Variants in SELENOK observed in about 807,000 individuals in gnomAD.
SELENOK encodes selenoprotein K.
A neutral mutation model predicts 17.3 loss-of-function variants in SELENOK; 11 were observed. The observed-to-expected ratio is 0.63, with a 90% CI of 0.40 to 1.05. The LOEUF (loss-of-function observed/expected upper bound fraction) is 1.05, where lower values mean the gene tolerates loss of function less well. Ranked by LOEUF, SELENOK falls within the 50% of genes least tolerant of loss-of-function variation. The pLI, the probability that SELENOK is intolerant of heterozygous loss-of-function variation, is 0.00. For synonymous variants in SELENOK, 45 were observed against 35.4 expected, an observed-to-expected ratio of 1.27 and a Z score of -0.97; for missense variants, 125 against 113.9, an observed-to-expected ratio of 1.10 and a Z score of -0.44.
Position 53,888,421 on chromosome 3 carries a change from A to T in SELENOK, c.82T>A (p.Trp28Arg). The change falls in exon 2 of 5, where the codon TGG (tryptophan) becomes AGG (arginine). Residue 28 changes from tryptophan to arginine, a missense_variant. Coordinates refer to ENST00000495461, the MANE Select transcript of SELENOK (RefSeq NM_021237.5). ...AAAACCACAAACTCAGCTATTCCCC[A>T]GAAGAAATCTGTTATCAAAGATAAT... ...WRLSLITDFF[W>R]GIAEFVVLFF... is the part of the protein sequence containing the mutation. 3 of 1,612,734 alleles carry T rather than the reference A, an allele frequency of 1.9e-6. No individual in the cohort carries two copies. Among genetic ancestry groups the T allele is most frequent in the Non-Finnish European group, 2.5e-6 (3 of 1,179,454 alleles).
chr3:53,886,901 T>G lies in SELENOK; in HGVS notation c.144A>C (p.Lys48Asn). The change falls in exon 3 of 5, where the codon AAA becomes AAC. Residue 48 changes from lysine to asparagine, a missense_variant. Coordinates refer to ENST00000495461, the MANE Select transcript of SELENOK (RefSeq NM_021237.5). The stretch of plus-strand genomic sequence containing the variant: ...CAGATGAGTTTCCATAGCTTCTTCT[T>G]TTTTTCACATCTTGCTGAAGCAGAG... ...FKTLLQQDVK[K>N]RRSYGNSSDS... is the part of the protein sequence containing the mutation. 6.4e-7 allele frequency: 1 copy of G among 1,572,046 alleles called. No homozygotes were observed. Among genetic ancestry groups the G allele is most frequent in the Non-Finnish European group, 8.6e-7 (1 of 1,156,854 alleles).
chr3:53,889,421 T>C (rs1449497408), intron 1 of SELENOK, among the ~76,000 whole-genome samples: 2 of 152,252 alleles, frequency 1.3e-5, no homozygotes, highest in Non-Finnish European at 2.9e-5. Flanking sequence ...AGTTCATCCA[T>C]GTTGCAGTAT....
intron 4 of SELENOK, 114 bp from the exon 5 acceptor site, chr3:53,885,675 C>A: frequency 1.6e-6 from 2 of 1,283,602 alleles, no homozygotes; most frequent in South Asian, 2.6e-5. Flanking sequence ...GATAACAAGG[C>A]CAGTGAATTT....
In SELENOK at chr3:53,885,412, C is replaced by T; in HGVS notation, c.*146G>A. ...CCTGCAGAGGGAATTCCCAGCATGA[C>T]CTCATTCATCTGTGAGGACACAGAG... is the stretch of plus-strand genomic sequence containing the variant. On this transcript the variant is annotated 3_prime_UTR_variant, in exon 5 of 5. Coordinates refer to ENST00000495461, the MANE Select transcript of SELENOK (RefSeq NM_021237.5). 4 of 742,524 alleles carry T rather than the reference C, an allele frequency of 5.4e-6. No individual in the cohort carries two copies. The highest frequency in any genetic ancestry group is 2.6e-5 in the East Asian group (1 of 37,998). The allele number at this position is 742,524 out of a possible 1,614,324, so 46.0% of individuals were successfully genotyped here.
chr3:53,890,724 T>C (rs1461874156), intron 1 of SELENOK, among the ~76,000 whole-genome samples: 1 of 152,236 alleles, frequency 6.6e-6, no homozygotes, highest in Non-Finnish European at 1.5e-5. Context: ...TGTCCATCAA[T>C]CTACTTGTTT....
chr3:53,888,264 C>G (rs1700140873), intron 2 of SELENOK, 129 bp downstream of exon 2: 6 of 648,122 alleles, frequency 9.3e-6, no homozygotes, highest in Admixed American at 2.7e-5. Flanking sequence ...CTGTGTAAAG[C>G]TATTTTTTAA....
chr3:53,888,125 G>A (rs947290809), intron 2 of SELENOK: 3 of 262,112 alleles, frequency 1.1e-5, no homozygotes, highest in South Asian at 8.9e-5. Context: ...CAGAATTGAC[G>A]GACCCAGCCA....
chr3:53,886,128 G>A (rs1454204113), intron 3 of SELENOK, among the ~76,000 whole-genome samples: 2 of 152,188 alleles, frequency 1.3e-5, no homozygotes, highest in African/African-American at 4.8e-5. Context: ...GTCAAGAAAG[G>A]ACTGTGATGA....
Position 53,885,526 on chromosome 3 carries a change from A to G in SELENOK, c.*32T>C, listed in dbSNP as rs372569361. ...TGGTTTCCTTCTGCTATGAATGCGC[A>G]TGTCCGGTTGTCTGCTTCTTAGAGC... On this transcript the variant is annotated 3_prime_UTR_variant, in exon 5 of 5. Coordinates refer to ENST00000495461, the MANE Select transcript of SELENOK (RefSeq NM_021237.5). The G allele has an allele frequency of 9.3e-6, 15 of 1,605,474 alleles. No homozygotes were observed. The African/African-American group carries it at 1.2e-4, about 13-fold the overall frequency.
At position 53,888,961 on chromosome 3, in the gene SELENOK, G is replaced by A. The variant is rs546562625; in HGVS notation, c.20-478C>T. 1.1e-4 allele frequency among the ~76,000 whole-genome samples: 17 copies of A among 152,158 alleles called. No homozygotes were observed. In the South Asian group the frequency reaches 3.5e-3, roughly 32 times the overall value. On this transcript the variant is annotated intron_variant, in intron 1 of 4. Transcript: ENST00000495461. Reference sequence around the variant, plus strand: ...AGTCCCAGCTACTCAGGAGGCTGAGGCAGGAGAATTGCTTGAACCCAGGAA... The same window carrying A: ...AGTCCCAGCTACTCAGGAGGCTGAGACAGGAGAATTGCTTGAACCCAGGAA...
chr3:53,888,530 A>T (rs1013899545), intron 1 of SELENOK, 47 bp from the exon 2 acceptor site: 23 of 1,260,984 alleles, frequency 1.8e-5, no homozygotes, highest in Non-Finnish European at 2.5e-5. Flanking sequence ...ACAAATCCCT[A>T]ACCCAAGAGG....
chr3:53,888,571 T>G, intron 1 of SELENOK, 88 bp from the exon 2 acceptor site: 1 of 915,106 alleles, frequency 1.1e-6, no homozygotes, highest in Non-Finnish European at 1.7e-6. Flanking sequence ...GTAACAATGA[T>G]TGGGGTTTTA....
chr3:53,891,682 G>A, intron 1 of SELENOK, 88 bp downstream of exon 1: 3 of 1,545,644 alleles, frequency 1.9e-6, no homozygotes, highest in South Asian at 1.1e-5. Flanking sequence ...GCCGCACCGG[G>A]CTCAAGACTC....
In SELENOK at chr3:53,884,608, C is replaced by T. The variant is rs1700110386; in HGVS notation, c.*950G>A. 1 of 152,160 alleles carries T rather than the reference C, an allele frequency of 6.6e-6. No homozygotes were observed. The highest frequency in any genetic ancestry group is 2.4e-5 in the African/African-American group (1 of 41,436). The allele number at this position is 152,160 out of a possible 1,614,324, so 9.4% of individuals were successfully genotyped here. A position where few individuals can be genotyped will look rare whatever the true frequency, so the allele number is the denominator to read the frequency against. ...CCAATAGGCAGTATTTTGAGTGATG[C>T]TATAGAGTGCAAATTTGTCAAGATA... On this transcript the variant is annotated 3_prime_UTR_variant, in exon 5 of 5. Transcript: ENST00000495461.
In SELENOK at chr3:53,885,887, T is replaced by A. The variant is rs753231292; in HGVS notation, c.220A>T (p.Met74Leu). ...CCACGCAGATGATTGATTCTACCCA[T>A]TCTTCGGGGAGGGTTTCCTGGTGGC... ...RGPPGNPPRR[M>L]GRINHLRGPS... The change falls in exon 4 of 5, where the codon ATG becomes TTG. Residue 74 changes from methionine to leucine, a missense_variant. By Grantham distance (15) the Met-to-Leu change is conservative. Coordinates refer to ENST00000495461, the MANE Select transcript of SELENOK (RefSeq NM_021237.5). 9 of 1,554,928 alleles carry A rather than the reference T, an allele frequency of 5.8e-6. No individual in the cohort carries two copies. In the East Asian group the frequency reaches 1.8e-4, roughly 32 times the overall value.
chr3:53,885,772 A>G (rs1700120878), intron 4 of SELENOK, 54 bp downstream of exon 4: 1 of 1,387,092 alleles, frequency 7.2e-7, no homozygotes, highest in Non-Finnish European at 1.0e-6. Context: ...AAACATTACT[A>G]CAGAAGTGTT....
intron 1 of SELENOK, among the ~76,000 whole-genome samples, chr3:53,888,720 T>C (rs1214093433): frequency 1.3e-5 from 2 of 152,156 alleles, no homozygotes; most frequent in Admixed American, 1.3e-4. Flanking sequence ...ATAAACTTGG[T>C]GGGTGACTTC....
rs1032214882 is a variant in SELENOK, at chr3:53,890,467, G to C, written c.19+1303C>G. Among the ~76,000 whole-genome samples, 8 of 152,188 alleles carry C rather than the reference G, an allele frequency of 5.3e-5. No homozygotes were observed. The South Asian group carries it at 1.7e-3, about 31-fold the overall frequency. ...ACCAATATCCCCAGAGAGAAGTAAGGTGTTTGAATGCAGTTGTGTTTCTCA... is the reference window on the plus strand; with the variant it reads ...ACCAATATCCCCAGAGAGAAGTAAGCTGTTTGAATGCAGTTGTGTTTCTCA... On this transcript the variant is annotated intron_variant, in intron 1 of 4. Coordinates refer to ENST00000495461, the MANE Select transcript of SELENOK (RefSeq NM_021237.5).
intron 2 of SELENOK, chr3:53,887,943 T>C (rs11711915): frequency 0.12 from 18,727 of 152,448 alleles, 1,243 homozygotes; most frequent in South Asian, 0.24. Flanking sequence ...TTGTCTCCTT[T>C]ACCAATTCTA....
Sources: gnomAD v4.1 joint callset for allele counts (sites outside exome capture counted in the v4.1 genomes callset) on GRCh38, gnomAD v4.1.1 for gene constraint, MANE v1.5 for transcripts, NCBI Gene and HGNC (gene_info 2026-07-23, HGNC 2026-07-21) for gene names.